CC2D2B: variants seen among roughly 807,000 people sequenced by gnomAD.
The protein encoded by CC2D2B is protein CC2D2B.
CC2D2B carries 128 observed loss-of-function variants against 161.2 expected under a neutral mutation model. That is an observed-to-expected ratio of 0.79 (90% confidence interval 0.69 to 0.92). The LOEUF (loss-of-function observed/expected upper bound fraction) is 0.92. Ranked by LOEUF, CC2D2B falls within the 40% of genes least tolerant of loss-of-function variation. CC2D2B has a pLI of 0.00. For missense variants in CC2D2B, 1,173 were observed against 1,375.1 expected (o/e 0.85, Z 2.32); for synonymous variants, 391 against 449.8 (o/e 0.87, Z 1.65).
At chr10:96,029,274 A>C (rs867241045) in intron 34 of CC2D2B, among the ~76,000 whole-genome samples, 14 of 65,246 alleles carry the variant, frequency 2.1e-4, no homozygotes, top group Admixed American at 3.3e-4. Context: ...ATATATATAT[A>C]TATATATATA....
At chr10:95,971,968 C>A (rs991902709) in intron 15 of CC2D2B, 98 bp from the exon 16 acceptor site, 1 of 552,192 alleles carries the variant, frequency 1.8e-6, no homozygotes, top group Non-Finnish European at 2.7e-6. Context: ...ATTTTATATT[C>A]TGGTATTTAA....
chr10:95,988,830 A>C (rs949193910), intron 20 of CC2D2B, among the ~76,000 whole-genome samples: 22 of 152,232 alleles, frequency 1.4e-4, no homozygotes, highest in Admixed American at 7.2e-4. Context: ...TTTGAGTGGA[A>C]TCCTTCACTG....
intron 25 of CC2D2B, 53 bp downstream of exon 25, chr10:96,004,301 T>C: frequency 1.1e-6 from 1 of 935,490 alleles, no homozygotes; most frequent in Non-Finnish European, 1.6e-6. Flanking sequence ...AAGGTCAAAC[T>C]GAATGAAGTC....
At chr10:95,959,321 A>G (rs150185053) in intron 11 of CC2D2B, among the ~76,000 whole-genome samples, 2 of 152,268 alleles carry the variant, frequency 1.3e-5, no homozygotes, top group Admixed American at 6.5e-5. Context: ...AGAAATGCAC[A>G]TTATCAGGTC....
chr10:96,002,175 C>T (rs1305247507), intron 24 of CC2D2B, among the ~76,000 whole-genome samples: 1 of 152,132 alleles, frequency 6.6e-6, no homozygotes, highest in African/African-American at 2.4e-5. Context: ...GGAGTGTTTA[C>T]ATCCTTGCAA....
At chr10:96,003,642 G>A (rs1191025889) in intron 24 of CC2D2B, among the ~76,000 whole-genome samples, 1 of 142,696 alleles carries the variant, frequency 7.0e-6, no homozygotes, top group African/African-American at 2.7e-5. Flanking sequence ...TTTTAGTAGA[G>A]ACAGGGTTTC....
intron 20 of CC2D2B, among the ~76,000 whole-genome samples, chr10:95,989,967 C>T (rs963280863): frequency 3.9e-5 from 6 of 152,176 alleles, no homozygotes; most frequent in African/African-American, 1.4e-4. Flanking sequence ...TGCTGTGTTA[C>T]TGGAGTCAGT....
chr10:95,914,722 T>A (rs1035091509), intron 2 of CC2D2B, among the ~76,000 whole-genome samples: 1 of 152,184 alleles, frequency 6.6e-6, no homozygotes. Flanking sequence ...TGATTGCAAG[T>A]TTCCTGAGGC....
chr10:95,996,465 G>A (rs566968313), intron 24 of CC2D2B, among the ~76,000 whole-genome samples: 1 of 152,106 alleles, frequency 6.6e-6, no homozygotes, highest in East Asian at 1.9e-4. Flanking sequence ...CTAAAGAAAA[G>A]TAATAAAATG....
intron 15 of CC2D2B, among the ~76,000 whole-genome samples, chr10:95,971,067 TAA>T (rs1291449166): frequency 2.0e-5 from 3 of 152,170 alleles, no homozygotes; most frequent in Non-Finnish European, 4.4e-5. Context: ...CAACACAGTA[TAA>T]GTCAAAATAA....
intron 19 of CC2D2B, among the ~76,000 whole-genome samples, chr10:95,984,882 A>G (rs1330607196): frequency 6.6e-6 from 1 of 151,960 alleles, no homozygotes; most frequent in Admixed American, 6.6e-5. Context: ...AAAAAAAAAA[A>G]TTACACACAC....
chr10:95,979,174 T>TG (rs1019788676), intron 17 of CC2D2B, among the ~76,000 whole-genome samples: 1 of 146,578 alleles, frequency 6.8e-6, no homozygotes, highest in African/African-American at 2.6e-5. Flanking sequence ...TTTTTGGTGT[T>TG]TTTTTTTTTT....
intron 10 of CC2D2B, among the ~76,000 whole-genome samples, chr10:95,950,905 T>A (rs2039618): frequency 1.4e-4 from 22 of 151,828 alleles, no homozygotes; most frequent in Admixed American, 1.2e-3. Flanking sequence ...CTGCAACCTC[T>A]ACCTCCCGAG....
At chr10:95,935,194 C>A (rs1301137936) in intron 6 of CC2D2B, among the ~76,000 whole-genome samples, 1 of 152,202 alleles carries the variant, frequency 6.6e-6, no homozygotes, top group Non-Finnish European at 1.5e-5. Context: ...TAAACAGAAT[C>A]ACAGTAGTAA....
Position 95,979,170 on chromosome 10 carries a change from G to GTGT in CC2D2B, c.1944-2803_1944-2801dup, listed in dbSNP as rs1453288024. Among the ~76,000 whole-genome samples, 6 of 148,132 alleles carry GTGT rather than the reference G, an allele frequency of 4.1e-5. No homozygotes were observed. In the East Asian group the frequency reaches 1.2e-3, roughly 29 times the overall value. ...TGATTTATACGTTTCTGGGTTTTTGGTGTTTTTTTTTTTTTTTCCTCTCTC... is the reference window on the plus strand; with the variant it reads ...TGATTTATACGTTTCTGGGTTTTTGGTGTTGTTTTTTTTTTTTTTTCCTCTCTC... On this transcript the variant is annotated intron_variant, in intron 17 of 34. Transcript: ENST00000646931.
rs1021461468 is a variant in CC2D2B, at chr10:96,033,677, G to C, written c.*1669G>C. 3.3e-5 allele frequency among the ~76,000 whole-genome samples: 5 copies of C among 152,076 alleles called. No individual in the cohort carries two copies. Among genetic ancestry groups the C allele is most frequent in the Non-Finnish European group, 7.4e-5 (5 of 68,026 alleles). ...GCAAGTGTTCATAGGAAAGCATGGA[G>C]GACCTTTTTATATTGTATCCTTTTT... is the stretch of plus-strand genomic sequence containing the variant. On this transcript the variant is annotated 3_prime_UTR_variant, in exon 35 of 35. Coordinates refer to ENST00000646931, the MANE Select transcript of CC2D2B (RefSeq NM_001349008.3).
At chr10:96,019,505 G>A (rs894192502) in intron 31 of CC2D2B, 168 bp downstream of exon 31, 5 of 817,210 alleles carry the variant, frequency 6.1e-6, no homozygotes, top group Non-Finnish European at 9.8e-6. Flanking sequence ...ATTGTGTAGT[G>A]CCTTCAAGGA....
rs1350480994 is a variant in CC2D2B at position 96,012,662 on chromosome 10, A to G, written c.3359A>G (p.Tyr1120Cys). ...DEGIQFLVTR[Y>C]IKALNPPQQL... ...GGGATACAGTTCTTAGTCACAAGAT[A>G]TATCAAGGCATTAAATCCACCTCAG... Residue 1120 changes from tyrosine to cysteine, a missense_variant, in exon 28 of 35, where the codon TAT becomes TGT. By Grantham distance (194) the Tyr-to-Cys change is radical. Transcript: ENST00000646931. 1.9e-6 allele frequency: 3 copies of G among 1,611,028 alleles called. No individual in the cohort carries two copies. The highest frequency in any genetic ancestry group is 2.2e-5 in the East Asian group (1 of 44,816).
intron 33 of CC2D2B, among the ~76,000 whole-genome samples, chr10:96,025,384 A>AC (rs2079726867): frequency 6.7e-6 from 1 of 148,168 alleles, no homozygotes; most frequent in African/African-American, 2.5e-5. Context: ...AAAAAAAAAA[A>AC]AGTTCCATTG....
Sources: allele counts gnomAD v4.1 joint callset (sites outside exome capture counted in the v4.1 genomes callset), GRCh38; gene constraint gnomAD v4.1.1; transcripts MANE v1.5; gene names NCBI Gene and HGNC (gene_info 2026-07-23, HGNC 2026-07-21).